Variants in ADCY1 observed in about 807,000 individuals in gnomAD.
ADCY1 encodes adenylate cyclase 1, also known as adenylate cyclase type 1.
In ADCY1, 28 loss-of-function variants were observed where a neutral mutation model predicts 105.4. The observed-to-expected ratio is 0.27, with a 90% CI of 0.20 to 0.36. The LOEUF (loss-of-function observed/expected upper bound fraction) is 0.36, where lower values mean the gene tolerates loss of function less well. ADCY1 is among the 10% of genes least tolerant of loss of function. The pLI is 1.00. For synonymous variants in ADCY1, 655 were observed against 623.8 expected, an observed-to-expected ratio of 1.05 and a Z score of -0.75; for missense variants, 977 against 1,434.2, an observed-to-expected ratio of 0.68 and a Z score of 5.15.
At chr7:45,588,871 G>A (rs1342408593) in intron 1 of ADCY1, among the ~76,000 whole-genome samples, 4 of 90,496 alleles carry the variant, frequency 4.4e-5, no homozygotes, top group East Asian at 6.0e-4. Context: ...TTGCGTGTAT[G>A]TGTGTGTGTG....
chr7:45,603,932 A>G (rs1448970648), intron 2 of ADCY1, among the ~76,000 whole-genome samples: 1 of 152,114 alleles, frequency 6.6e-6, no homozygotes, highest in Non-Finnish European at 1.5e-5. Context: ...TGGCTGTATC[A>G]CAGTTTGTTT....
At chr7:45,610,838 GTGGAGGCGATA>G (rs1793546149) in intron 3 of ADCY1, among the ~76,000 whole-genome samples, 1 of 150,896 alleles carries the variant, frequency 6.6e-6, no homozygotes, top group Non-Finnish European at 1.5e-5. Flanking sequence ...TAGTGGAGGT[GTGGAGGCGATA>G]TTGGAGTTGT....
chr7:45,697,650 A>G (rs2116243063), intron 14 of ADCY1, among the ~76,000 whole-genome samples: 1 of 152,236 alleles, frequency 6.6e-6, no homozygotes, highest in East Asian at 1.9e-4. Flanking sequence ...TCAGCTTCCT[A>G]AAGTGCTGGG....
chr7:45,575,502 G>C lies in ADCY1; in HGVS notation c.639+320G>C, dbSNP rs1014776261. Among the ~76,000 whole-genome samples, 1 of 152,242 alleles carries C rather than the reference G, an allele frequency of 6.6e-6. No homozygotes were observed. Among genetic ancestry groups the C allele is most frequent in the Admixed American group, 6.5e-5 (1 of 15,292 alleles). ...GGCCAGACGGCGGCCAGAGGGGTCCGCCGGTCTTTTGCCGCACCCATCCCC... is the reference window on the plus strand; with the variant it reads ...GGCCAGACGGCGGCCAGAGGGGTCCCCCGGTCTTTTGCCGCACCCATCCCC... On this transcript the variant is annotated intron_variant, in intron 1 of 19. Transcript: ENST00000297323. This position sits in a 1 kb window ranked among gnomAD's most constrained non-coding sequence, Gnocchi z 4.7.
chr7:45,672,851 G>T (rs1252233432), intron 8 of ADCY1, among the ~76,000 whole-genome samples: 1 of 152,056 alleles, frequency 6.6e-6, no homozygotes, highest in South Asian at 2.1e-4. Context: ...ATGCTGCATG[G>T]AAGTGGTGAG....
Position 45,686,359 on chromosome 7 carries a change from T to A in ADCY1, c.2327+144T>A. 1 of 1,417,484 alleles carries A rather than the reference T, an allele frequency of 7.1e-7. No individual in the cohort carries two copies. The highest frequency in any genetic ancestry group is 9.4e-7 in the Non-Finnish European group (1 of 1,059,270). 87.8% of individuals were successfully genotyped at this position (1,417,484 alleles called of 1,614,324 possible). A position where few individuals can be genotyped will look rare whatever the true frequency, so the allele number is the denominator to read the frequency against. On this transcript the variant is annotated intron_variant, in intron 13 of 19. Transcript: ENST00000297323. The surrounding 1 kb of genome is among the most constrained non-coding windows in gnomAD (Gnocchi z 4.3). Reference sequence around the variant, plus strand: ...TTTTTAGTTTGGTGGCTGCTTCTCTTCAACCCAAGTTCTAGCAAGGACTCA... The same window carrying A: ...TTTTTAGTTTGGTGGCTGCTTCTCTACAACCCAAGTTCTAGCAAGGACTCA...
chr7:45,695,645 G>C (rs1458576498), intron 14 of ADCY1, among the ~76,000 whole-genome samples: 2 of 152,190 alleles, frequency 1.3e-5, no homozygotes, highest in African/African-American at 4.8e-5. Flanking sequence ...GTTAGATCTG[G>C]GTTAGAAGGA....
In ADCY1 at chr7:45,710,378, G is replaced by A; in HGVS notation, c.2933-150G>A. The A allele has an allele frequency of 8.8e-7, 1 of 1,134,582 alleles. No homozygotes were observed. Among genetic ancestry groups the A allele is most frequent in the Non-Finnish European group, 1.2e-6 (1 of 812,488 alleles). The allele number at this position is 1,134,582 out of a possible 1,614,324, so 70.3% of individuals were successfully genotyped here. ...GTGCTGTGTGTGATGCTTCAGGAAG[G>A]AGCCTGGTGCTAGGTGACCCCAGGA... On this transcript the variant is annotated intron_variant, in intron 18 of 19. Transcript: ENST00000297323. This position sits in a 1 kb window ranked among gnomAD's most constrained non-coding sequence, Gnocchi z 4.7.
intron 1 of ADCY1, among the ~76,000 whole-genome samples, chr7:45,590,426 G>C (rs778445483): frequency 4.6e-5 from 7 of 151,908 alleles, no homozygotes; most frequent in Non-Finnish European, 5.9e-5. Flanking sequence ...AGGCTCCTCC[G>C]CAGGCCTTGC....
At chr7:45,688,993 G>T (rs188378344) in intron 14 of ADCY1, among the ~76,000 whole-genome samples, 10 of 150,328 alleles carry the variant, frequency 6.7e-5, no homozygotes, top group Non-Finnish European at 1.3e-4. Flanking sequence ...TTAAGTTAGT[G>T]CCTGTTCTGG....
chr7:45,669,119 C>G (rs1477708477), intron 8 of ADCY1, among the ~76,000 whole-genome samples: 1 of 152,154 alleles, frequency 6.6e-6, no homozygotes, highest in East Asian at 1.9e-4. Context: ...GTTTTTGTGT[C>G]TCTATCTCTT....
intron 8 of ADCY1, 72 bp downstream of exon 8, chr7:45,662,286 G>GC: frequency 6.7e-7 from 1 of 1,492,566 alleles, no homozygotes; most frequent in Non-Finnish European, 9.0e-7. Context: ...TCCCAATATG[G>GC]CCCCCGTGCC....
intron 5 of ADCY1, among the ~76,000 whole-genome samples, chr7:45,652,808 T>C (rs569456390): frequency 1.3e-5 from 2 of 152,238 alleles, no homozygotes; most frequent in African/African-American, 4.8e-5. Context: ...GACTTGAAAG[T>C]GGGATCCCAG....
chr7:45,607,895 T>C (rs1369191393), intron 2 of ADCY1, among the ~76,000 whole-genome samples: 1 of 152,246 alleles, frequency 6.6e-6, no homozygotes, highest in Non-Finnish European at 1.5e-5. Flanking sequence ...AGTGCTGCGA[T>C]GTACATACAC....
At chr7:45,677,394 T>C (rs954611390) in intron 8 of ADCY1, among the ~76,000 whole-genome samples, 3 of 152,164 alleles carry the variant, frequency 2.0e-5, no homozygotes, top group Admixed American at 1.3e-4. Context: ...ATATGGAAGC[T>C]GTGGAGGAGA....
Position 45,721,645 on chromosome 7 carries a change from T to A in ADCY1, c.*7650T>A. 1 of 398,600 alleles carries A rather than the reference T, an allele frequency of 2.5e-6. No individual in the cohort carries two copies. Among genetic ancestry groups the A allele is most frequent in the Non-Finnish European group, 4.4e-6 (1 of 226,074 alleles). 24.7% of individuals were successfully genotyped at this position (398,600 alleles called of 1,614,324 possible). On this transcript the variant is annotated 3_prime_UTR_variant, in exon 20 of 20. Coordinates refer to ENST00000297323, the MANE Select transcript of ADCY1 (RefSeq NM_021116.4). The stretch of plus-strand genomic sequence containing the variant: ...CCTCTGCTGTAGAGCCATTTAATGT[T>A]ATTGTCATATGCTGCTGGTGAGGTA...
chr7:45,610,351 C>T, intron 2 of ADCY1, 28 bp from the exon 3 acceptor site: 1 of 1,593,618 alleles, frequency 6.3e-7, no homozygotes, highest in Non-Finnish European at 8.6e-7. Flanking sequence ...GCCCTGCTGT[C>T]TAACCCGGGC....
In ADCY1 at chr7:45,711,607, GTATATA is replaced by G. The variant is rs71030888; in HGVS notation, c.3057+988_3057+993del. 7.3e-3 allele frequency among the ~76,000 whole-genome samples: 518 copies of G among 70,746 alleles called. 9 individuals are homozygous for G. The highest frequency in any genetic ancestry group is 0.02 in the African/African-American group (405 of 20,122). 46.4% of individuals were successfully genotyped at this position (70,746 alleles called of 152,430 possible). A position where few individuals can be genotyped will look rare whatever the true frequency, so the allele number is the denominator to read the frequency against. Reference sequence around the variant, plus strand: ...CCATCCACCTCCAGAACTTCGTGCTGTATATATATATATATATATATATATATATAT... The same window carrying G: ...CCATCCACCTCCAGAACTTCGTGCTGTATATATATATATATATATATATAT... On this transcript the variant is annotated intron_variant, in intron 19 of 19. Transcript: ENST00000297323.
In ADCY1 at chr7:45,660,102, G is replaced by C. The variant is rs149589767; in HGVS notation, c.1368G>C (p.Pro456=). The C allele has an allele frequency of 4.3e-6, 7 of 1,614,088 alleles. No homozygotes were observed. In the South Asian group the frequency reaches 4.4e-5, roughly 10 times the overall value. ...TGAATGGGGACTACGAGGTAGAACCGGGTTACGGACATGAGAGGAACAGTT... is the reference window on the plus strand; with the variant it reads ...TGAATGGGGACTACGAGGTAGAACCCGGTTACGGACATGAGAGGAACAGTT... ...ACLNGDYEVE[P]GYGHERNSFL... The change falls in exon 7 of 20, where the codon CCG becomes CCC. Residue 456 remains proline, a synonymous_variant. Coordinates refer to ENST00000297323, the MANE Select transcript of ADCY1 (RefSeq NM_021116.4).
Sources: allele counts gnomAD v4.1 joint callset (sites outside exome capture counted in the v4.1 genomes callset), GRCh38; gene constraint gnomAD v4.1.1; non-coding constraint Gnocchi (gnomAD v3.1); transcripts MANE v1.5; gene names NCBI Gene and HGNC (gene_info 2026-07-23, HGNC 2026-07-21).